RBFOX1: variants seen among roughly 807,000 people sequenced by gnomAD.
The protein encoded by RBFOX1 is RNA binding protein fox-1 homolog 1.
In RBFOX1, 8 loss-of-function variants were observed where a neutral mutation model predicts 57.7. The observed-to-expected ratio is 0.14, with a 90% CI of 0.08 to 0.25. The LOEUF is 0.25. RBFOX1 is among the 10% of genes least tolerant of loss of function. RBFOX1 has a pLI of 1.00. For missense variants in RBFOX1, 611 were observed against 548.5 expected (o/e 1.11, Z -1.14); for synonymous variants, 326 against 222.4 (o/e 1.47, Z -4.15).
At chr16:5,980,224 A>G (rs1025920791) in intron 4 of RBFOX1, among the ~76,000 whole-genome samples, 1 of 152,188 alleles carries the variant, frequency 6.6e-6, no homozygotes, top group African/African-American at 2.4e-5. Flanking sequence ...CACTGTTTGC[A>G]TCTCCCTTGG....
intron 2 of RBFOX1, among the ~76,000 whole-genome samples, chr16:6,624,889 G>A (rs772789802): frequency 2.9e-4 from 44 of 152,064 alleles, no homozygotes; most frequent in Non-Finnish European, 5.1e-4. Context: ...TGGGCTGGAC[G>A]CGGTTGCTCA....
At chr16:7,443,517 T>C (rs1156891917) in intron 4 of RBFOX1, among the ~76,000 whole-genome samples, 1 of 151,860 alleles carries the variant, frequency 6.6e-6, no homozygotes, top group Non-Finnish European at 1.5e-5. Flanking sequence ...TCCTGCCAGA[T>C]ATGAACCCAA....
chr16:7,122,868 A>G (rs937518066), intron 4 of RBFOX1, among the ~76,000 whole-genome samples: 1 of 152,200 alleles, frequency 6.6e-6, no homozygotes, highest in African/African-American at 2.4e-5. Context: ...ACTGAACAAT[A>G]AAAAGGAGCA....
chr16:5,606,382 G>T (rs1288756085), intron 3 of RBFOX1, among the ~76,000 whole-genome samples: 1 of 151,982 alleles, frequency 6.6e-6, no homozygotes, highest in East Asian at 1.9e-4. Context: ...GAAAAGCCTT[G>T]TTCAGAGATT....
intron 3 of RBFOX1, among the ~76,000 whole-genome samples, chr16:5,647,349 T>G (rs1456977760): frequency 6.6e-6 from 1 of 152,210 alleles, no homozygotes; most frequent in Non-Finnish European, 1.5e-5. Flanking sequence ...GAAATTGTAT[T>G]TTAGAAAAAT....
chr16:7,017,373 T>C (rs1054472173), intron 3 of RBFOX1, among the ~76,000 whole-genome samples: 4 of 152,190 alleles, frequency 2.6e-5, no homozygotes, highest in African/African-American at 7.2e-5. Flanking sequence ...CTAACGGAGC[T>C]GAAATTTATG....
intron 4 of RBFOX1, among the ~76,000 whole-genome samples, chr16:7,387,710 C>G (rs1224806703): frequency 6.6e-6 from 1 of 152,070 alleles, no homozygotes; most frequent in Non-Finnish European, 1.5e-5. Flanking sequence ...CAGCTGTGGG[C>G]CATCATGGTA....
At chr16:5,304,436 C>T (rs1445405583) in intron 1 of RBFOX1, among the ~76,000 whole-genome samples, 2 of 152,156 alleles carry the variant, frequency 1.3e-5, no homozygotes, top group Admixed American at 1.3e-4. Context: ...CTGATTGGGG[C>T]AACTGCGTTC....
intron 2 of RBFOX1, 98 bp from the exon 3 acceptor site, chr16:6,654,505 T>A: frequency 1.0e-6 from 1 of 958,478 alleles, no homozygotes; most frequent in Non-Finnish European, 1.5e-6. Context: ...CTCTTTATTA[T>A]TTTAAAGGGC....
chr16:6,843,254 A>G (rs1348728491), intron 3 of RBFOX1, among the ~76,000 whole-genome samples: 1 of 152,122 alleles, frequency 6.6e-6, no homozygotes, highest in Non-Finnish European at 1.5e-5. Flanking sequence ...GCAAAGTTGG[A>G]CAGCAGTATC....
chr16:6,976,633 C>A (rs890210118), intron 3 of RBFOX1, among the ~76,000 whole-genome samples: 1 of 150,698 alleles, frequency 6.6e-6, no homozygotes, highest in African/African-American at 2.4e-5. Context: ...AAGAACGCAT[C>A]CACCCTAGGT....
At chr16:7,615,623 A>C (rs1228021163) in intron 10 of RBFOX1, among the ~76,000 whole-genome samples, 1 of 152,028 alleles carries the variant, frequency 6.6e-6, no homozygotes, top group South Asian at 2.1e-4. Flanking sequence ...AGTTAACCCA[A>C]GTCCTAGATT....
intron 1 of RBFOX1, among the ~76,000 whole-genome samples, chr16:5,272,252 G>C (rs1039385744): frequency 2.6e-5 from 4 of 152,176 alleles, no homozygotes; most frequent in African/African-American, 7.2e-5. Flanking sequence ...CAGTAAATTA[G>C]GGGATGGACA....
At chr16:6,068,203 C>A (rs1448109285) in intron 1 of RBFOX1, among the ~76,000 whole-genome samples, 2 of 152,150 alleles carry the variant, frequency 1.3e-5, no homozygotes, top group African/African-American at 2.4e-5. Context: ...TCATACATAC[C>A]TGGCTTGTGG....
chr16:6,257,479 A>C (rs1161733221), intron 1 of RBFOX1, among the ~76,000 whole-genome samples: 1 of 151,720 alleles, frequency 6.6e-6, no homozygotes, highest in Admixed American at 6.6e-5. Context: ...ACATAGGTAC[A>C]CTTTTGTCCT....
chr16:7,155,730 T>TACACAC (rs1387441093), intron 4 of RBFOX1, among the ~76,000 whole-genome samples: 1 of 82,034 alleles, frequency 1.2e-5, no homozygotes, highest in African/African-American at 6.9e-5. Context: ...TATATATATA[T>TACACAC]ATATATATAC....
intron 2 of RBFOX1, among the ~76,000 whole-genome samples, chr16:6,389,587 C>T (rs1354860629): frequency 6.6e-6 from 1 of 152,160 alleles, no homozygotes; most frequent in Non-Finnish European, 1.5e-5. Context: ...ATCTTTTAAT[C>T]TTGGATGTCT....
chr16:7,012,916 T>C (rs1379617536), intron 3 of RBFOX1, among the ~76,000 whole-genome samples: 2 of 152,104 alleles, frequency 1.3e-5, no homozygotes, highest in South Asian at 4.1e-4. Context: ...GGTGCCAAGA[T>C]GGTCAGGTCC....
intron 4 of RBFOX1, among the ~76,000 whole-genome samples, chr16:7,496,994 G>A (rs918741964): frequency 3.9e-5 from 6 of 152,004 alleles, no homozygotes; most frequent in South Asian, 2.1e-4. Flanking sequence ...GCTTTGTCAC[G>A]TCTCCCATAA....
Sources: gnomAD v4.1 joint callset for allele counts (sites outside exome capture counted in the v4.1 genomes callset) on GRCh38, gnomAD v4.1.1 for gene constraint, MANE v1.5 for transcripts, NCBI Gene and HGNC (gene_info 2026-07-23, HGNC 2026-07-21) for gene names.